Variants in RABL6 observed in about 807,000 individuals in gnomAD.
RABL6 encodes the protein RAB, member RAS oncogene family like 6, also known as rab-like protein 6.
A neutral mutation model predicts 72.9 loss-of-function variants in RABL6; 28 were observed. The observed-to-expected ratio is 0.38, with a 90% CI of 0.28 to 0.53. RABL6 has a LOEUF of 0.53. Among genes scored for constraint, RABL6 ranks in the 20% least tolerant of loss-of-function variants. The pLI is 0.80. For missense variants in RABL6, 1,029 were observed against 1,008.4 expected (o/e 1.02, Z -0.28); for synonymous variants, 477 against 421.2 (o/e 1.13, Z -1.62).
At chr9:136,811,401 T>C (rs1352342183) in intron 1 of RABL6, among the ~76,000 whole-genome samples, 1 of 151,916 alleles carries the variant, frequency 6.6e-6, no homozygotes, top group African/African-American at 2.4e-5. Context: ...GCGGACAACC[T>C]GAGGCCAGGA....
At chr9:136,810,593 G>A (rs553353092) in intron 1 of RABL6, among the ~76,000 whole-genome samples, 2 of 152,124 alleles carry the variant, frequency 1.3e-5, no homozygotes, top group Admixed American at 6.5e-5. Context: ...CCAGGCTGGA[G>A]TGCAGTGGCG....
intron 10 of RABL6, 75 bp downstream of exon 10, chr9:136,838,090 C>G: frequency 6.6e-7 from 1 of 1,522,284 alleles, no homozygotes; most frequent in Middle Eastern, 1.7e-4. Context: ...GTGGGGCTGG[C>G]TTTCTAGGGG....
chr9:136,819,344 GAAAA>G (rs1029445553), intron 1 of RABL6, among the ~76,000 whole-genome samples: 10 of 140,462 alleles, frequency 7.1e-5, no homozygotes, highest in South Asian at 2.2e-4. Context: ...AAAAAAAAAA[GAAAA>G]CCACCTTGTC....
At chr9:136,830,531 C>T (rs957131940) in intron 5 of RABL6, among the ~76,000 whole-genome samples, 22 of 152,398 alleles carry the variant, frequency 1.4e-4, no homozygotes, top group African/African-American at 4.8e-4. Context: ...CGGGCGCACA[C>T]GCTGGCCTCA....
intron 7 of RABL6, chr9:136,833,077 C>T (rs1275683907): frequency 2.1e-5 from 6 of 285,480 alleles, no homozygotes; most frequent in South Asian, 2.8e-5. Context: ...TGAACCTCCT[C>T]GCCCTGGGCT....
At chr9:136,832,775 G>C (rs546567426) in intron 7 of RABL6, 61 of 332,646 alleles carry the variant, frequency 1.8e-4, no homozygotes, top group South Asian at 1.5e-3. Flanking sequence ...GATGCCAGGC[G>C]TGAGTCACCG....
chr9:136,834,028 T>G (rs1291950754), intron 7 of RABL6: 3 of 1,474,258 alleles, frequency 2.0e-6, no homozygotes, highest in Non-Finnish European at 2.7e-6. Context: ...AGTCTTGAGC[T>G]GGAAGCGTAG....
At chr9:136,815,500 G>T in intron 1 of RABL6, 1 of 259,384 alleles carries the variant, frequency 3.9e-6, no homozygotes. Flanking sequence ...ATTTTCTTGG[G>T]GTCACCTTGG....
At chr9:136,828,320 G>A (rs1325617569) in intron 3 of RABL6, 174 bp from the exon 4 acceptor site, 10 of 641,158 alleles carry the variant, frequency 1.6e-5, no homozygotes, top group Non-Finnish European at 1.4e-5. Context: ...GAGGGGCCTC[G>A]CCCAGGTCCT....
At chr9:136,832,484 C>G in intron 7 of RABL6, 114 bp downstream of exon 7, 1 of 890,086 alleles carries the variant, frequency 1.1e-6, no homozygotes, top group Non-Finnish European at 1.9e-6. Context: ...TGGACCTGCT[C>G]GGAGATTGGC....
Position 136,839,803 on chromosome 9 carries a change from A to G in RABL6, c.1868A>G (p.Asn623Ser), listed in dbSNP as rs1184366757. 6.2e-7 allele frequency: 1 copy of G among 1,612,796 alleles called. No individual in the cohort carries two copies. Among genetic ancestry groups the G allele is most frequent in the Non-Finnish European group, 8.5e-7 (1 of 1,179,812 alleles). ...CCTCTCCCCGCCTTCAGACTGAAGA[A>G]TGACTCGGACCTCTTCGGGCTGGGG... ...KLPLPAFRLKNDSDLFGLGLE... is the reference protein window; with the variant it reads ...KLPLPAFRLKSDSDLFGLGLE... The change falls in exon 13 of 15, where the codon AAT (asparagine) becomes AGT (serine). Residue 623 changes from asparagine (N) to serine (S), a missense_variant. Transcript: ENST00000311502.
At chr9:136,825,288 G>A (rs888182132) in intron 2 of RABL6, among the ~76,000 whole-genome samples, 3 of 152,262 alleles carry the variant, frequency 2.0e-5, no homozygotes, top group African/African-American at 4.8e-5. Context: ...TGACACAGGC[G>A]GGCCCATTCA....
Position 136,829,500 on chromosome 9 carries a change from C to CG in RABL6, c.458+21dup. 5.1e-6 allele frequency: 8 copies of CG among 1,561,770 alleles called. No homozygotes were observed. Among genetic ancestry groups the CG allele is most frequent in the Non-Finnish European group, 6.9e-6 (8 of 1,152,554 alleles). On this transcript the variant is annotated intron_variant, in intron 5 of 14. Coordinates refer to ENST00000311502, the MANE Select transcript of RABL6 (RefSeq NM_024718.5). ...CCAAGCAGTGGTAAGAGGGAGCTGG[C>CG]GGGGGCAGCTGCCTGTGACTCTCAC...
At chr9:136,834,972 A>G (rs888075121) in intron 7 of RABL6, among the ~76,000 whole-genome samples, 2 of 139,480 alleles carry the variant, frequency 1.4e-5, no homozygotes, top group Non-Finnish European at 3.3e-5. Context: ...AGATGATTCA[A>G]AAAAAAAAAA....
At chr9:136,815,889 G>GTC (rs562720584) in intron 1 of RABL6, among the ~76,000 whole-genome samples, 25 of 152,176 alleles carry the variant, frequency 1.6e-4, no homozygotes, top group Admixed American at 4.6e-4. Context: ...AACAAGCTTA[G>GTC]AACAGAGGTC....
At chr9:136,832,483 T>G (rs1345743647) in intron 7 of RABL6, 113 bp downstream of exon 7, 6 of 908,912 alleles carry the variant, frequency 6.6e-6, no homozygotes, top group Non-Finnish European at 7.2e-6. Context: ...GTGGACCTGC[T>G]CGGAGATTGG....
Position 136,841,097 on chromosome 9 carries a change from G to A in RABL6, c.*575G>A, listed in dbSNP as rs894837361. On this transcript the variant is annotated 3_prime_UTR_variant, in exon 15 of 15. Coordinates refer to ENST00000311502, the MANE Select transcript of RABL6 (RefSeq NM_024718.5). ...TGTTTCCCACAGTGGCCTCAGCTGC[G>A]CCCCCGCTCAGGTGAGCCCGAAGGC... 1.0e-4 allele frequency: 143 copies of A among 1,369,396 alleles called. No individual in the cohort carries two copies. Among genetic ancestry groups the A allele is most frequent in the African/African-American group, 1.3e-4 (9 of 67,926 alleles). The allele number at this position is 1,369,396 out of a possible 1,614,324, so 84.8% of individuals were successfully genotyped here.
At chr9:136,833,432 G>A in intron 7 of RABL6, 2 of 431,616 alleles carry the variant, frequency 4.6e-6, no homozygotes, top group Admixed American at 7.0e-5. Flanking sequence ...CCTCGCCCTG[G>A]GCTGCCCCAG....
At chr9:136,810,158 G>A (rs1243323324) in intron 1 of RABL6, 1 of 152,130 alleles carries the variant, frequency 6.6e-6, no homozygotes, top group East Asian at 1.9e-4. Flanking sequence ...TAATTTTATT[G>A]CTTACAGTAT....
Sources: allele counts gnomAD v4.1 joint callset (sites outside exome capture counted in the v4.1 genomes callset), GRCh38; gene constraint gnomAD v4.1.1; transcripts MANE v1.5; gene names NCBI Gene and HGNC (gene_info 2026-07-23, HGNC 2026-07-21).